Variants in CCDC180 observed in about 807,000 individuals in gnomAD.
CCDC180 encodes the protein coiled-coil domain-containing protein 180.
CCDC180 carries 154 observed loss-of-function variants against 209.2 expected under a neutral mutation model. The ratio of observed to expected loss-of-function variants is 0.74; its 90% CI spans 0.65 to 0.84. CCDC180 has a LOEUF of 0.84. Among genes scored for constraint, CCDC180 ranks in the 40% least tolerant of loss-of-function variants. The pLI is 0.00. For synonymous variants in CCDC180, 778 were observed against 749.1 expected, an observed-to-expected ratio of 1.04 and a Z score of -0.63; for missense variants, 1,874 against 1,997.3, an observed-to-expected ratio of 0.94 and a Z score of 1.18.
chr9:97,330,259 G>A, intron 17 of CCDC180, 63 bp from the exon 18 acceptor site: 1 of 1,606,484 alleles, frequency 6.2e-7, no homozygotes, highest in East Asian at 2.2e-5. Flanking sequence ...TGGGTTGGGA[G>A]GCCCAATCCA....
intron 18 of CCDC180, among the ~76,000 whole-genome samples, chr9:97,334,546 A>G (rs533799173): frequency 2.6e-5 from 4 of 152,160 alleles, no homozygotes; most frequent in Non-Finnish European, 5.9e-5. Context: ...CAATGCTACT[A>G]TGCTGGCCTT....
chr9:97,327,159 A>G (rs1391221738), intron 15 of CCDC180, among the ~76,000 whole-genome samples: 1 of 151,970 alleles, frequency 6.6e-6, no homozygotes, highest in Non-Finnish European at 1.5e-5. Flanking sequence ...ACAGAGTGAG[A>G]CTCTGTCTCA....
At position 97,338,709 on chromosome 9, in the gene CCDC180, G is replaced by C. The variant is rs565888351; in HGVS notation, c.2275-4631G>C. ...GGTGCAGAGCTGAGTTCAAGTCCTG[G>C]ATATCCTTGTTAACCTTCTGTCTTG... is the stretch of plus-strand genomic sequence containing the variant. On this transcript the variant is annotated intron_variant, in intron 18 of 36. Coordinates refer to ENST00000529487, the MANE Select transcript of CCDC180 (RefSeq NM_020893.6). Among the ~76,000 whole-genome samples the C allele has an allele frequency of 1.9e-3, 286 of 152,268 alleles. 2 individuals are homozygous for C. Among genetic ancestry groups the C allele is most frequent in the Middle Eastern group, 3.4e-3 (1 of 294 alleles).
chr9:97,363,935 G>A (rs549079847), intron 28 of CCDC180, 116 bp from the exon 29 acceptor site: 5 of 903,368 alleles, frequency 5.5e-6, no homozygotes, highest in African/African-American at 3.4e-5. Flanking sequence ...ATGGAAGTCC[G>A]GTTGCCCACG....
intron 11 of CCDC180, among the ~76,000 whole-genome samples, chr9:97,321,337 A>G (rs1833351673): frequency 6.6e-6 from 1 of 152,214 alleles, no homozygotes; most frequent in Non-Finnish European, 1.5e-5. Flanking sequence ...AAGATATGTA[A>G]AAAGTTTTTC....
intron 3 of CCDC180, among the ~76,000 whole-genome samples, chr9:97,310,485 T>G (rs1289301818): frequency 6.6e-6 from 1 of 152,138 alleles, no homozygotes; most frequent in Non-Finnish European, 1.5e-5. Flanking sequence ...AGCATGCCAT[T>G]TCAGTTCGCT....
chr9:97,307,850 G>A (rs760245890), intron 1 of CCDC180, 44 bp downstream of exon 1: 2 of 1,611,684 alleles, frequency 1.2e-6, no homozygotes, highest in East Asian at 4.5e-5. Context: ...CTAAGTCGAC[G>A]TTCCCCAGCC....
rs1826291889 is a variant in CCDC180, at chr9:97,347,417, C to T, written c.2602C>T (p.Leu868=). ...ATKINELDSE[L]ELHLHLHQPR... is the part of the protein sequence containing the mutation. ...CAAAATCAATGAGCTGGATTCAGAA[C>T]TGGAGCTGCATCTGCACCTGCACCA... Residue 868 remains leucine (L), a synonymous_variant, in exon 20 of 37, where the codon CTG becomes TTG. Coordinates refer to ENST00000529487, the MANE Select transcript of CCDC180 (RefSeq NM_020893.6). 5 of 1,536,022 alleles carry T rather than the reference C, an allele frequency of 3.3e-6. No homozygotes were observed. The highest frequency in any genetic ancestry group is 1.4e-5 in the African/African-American group (1 of 73,042).
At chr9:97,376,413 C>A in intron 36 of CCDC180, 1 of 178,472 alleles carries the variant, frequency 5.6e-6, no homozygotes, top group Admixed American at 5.5e-5. Context: ...CTGGAAGGCC[C>A]AGCCTACCAA....
intron 19 of CCDC180, among the ~76,000 whole-genome samples, chr9:97,345,973 T>C (rs1456504885): frequency 6.6e-6 from 1 of 152,212 alleles, no homozygotes; most frequent in African/African-American, 2.4e-5. Flanking sequence ...TCTCCGAAGT[T>C]ATATATTTAA....
intron 35 of CCDC180, 36 bp from the exon 36 acceptor site, chr9:97,375,418 C>T (rs1445975934): frequency 2.0e-5 from 32 of 1,613,272 alleles, no homozygotes; most frequent in Non-Finnish European, 2.6e-5. Context: ...AAGATGAAGA[C>T]AAGCCTGTGA....
chr9:97,365,567 T>C (rs750936557), intron 29 of CCDC180, 106 bp from the exon 30 acceptor site: 13 of 938,844 alleles, frequency 1.4e-5, no homozygotes, highest in Non-Finnish European at 2.3e-5. Context: ...TTTCAAGGAG[T>C]GTCACGGCCA....
At chr9:97,343,941 T>C (rs1224679895) in intron 19 of CCDC180, among the ~76,000 whole-genome samples, 1 of 152,208 alleles carries the variant, frequency 6.6e-6, no homozygotes. Context: ...AATATAAATA[T>C]CTCATGTATG....
At chr9:97,359,505 T>C (rs1826688345) in intron 25 of CCDC180, among the ~76,000 whole-genome samples, 1 of 152,110 alleles carries the variant, frequency 6.6e-6, no homozygotes, top group African/African-American at 2.4e-5. Context: ...TGCACACCTG[T>C]GGGGTGCTGC....
chr9:97,341,235 C>T lies in CCDC180; in HGVS notation c.2275-2105C>T, dbSNP rs569094393. On this transcript the variant is annotated intron_variant, in intron 18 of 36. Coordinates refer to ENST00000529487, the MANE Select transcript of CCDC180 (RefSeq NM_020893.6). The stretch of plus-strand genomic sequence containing the variant: ...GCAGCCAGACATTCAGGGCCACTAC[C>T]GGTCTCTGCACATTGGTGGTAGTGG... 1.2e-4 allele frequency among the ~76,000 whole-genome samples: 18 copies of T among 152,110 alleles called. No homozygotes were observed. The Middle Eastern group carries it at 0.014, about 115-fold the overall frequency.
At chr9:97,321,485 C>T (rs1385493622) in intron 11 of CCDC180, among the ~76,000 whole-genome samples, 1 of 152,206 alleles carries the variant, frequency 6.6e-6, no homozygotes, top group Non-Finnish European at 1.5e-5. Context: ...CACAGCTAGA[C>T]TTAGCCTGGG....
Position 97,351,010 on chromosome 9 carries a change from A to T in CCDC180, c.3002+455A>T, listed in dbSNP as rs186521380. On this transcript the variant is annotated intron_variant, in intron 22 of 36. Coordinates refer to ENST00000529487, the MANE Select transcript of CCDC180 (RefSeq NM_020893.6). ...AAATCATTCCTTTTTAAGGCTGAAT[A>T]ATGTTCCATTGTGTGTATATATCAC... Among the ~76,000 whole-genome samples, 124 of 152,332 alleles carry T rather than the reference A, an allele frequency of 8.1e-4. 1 individual carries two copies. The highest frequency in any genetic ancestry group is 2.9e-3 in the African/African-American group (122 of 41,574).
chr9:97,345,152 C>T (rs1405526744), intron 19 of CCDC180, among the ~76,000 whole-genome samples: 1 of 152,130 alleles, frequency 6.6e-6, no homozygotes, highest in Admixed American at 6.6e-5. Flanking sequence ...TAATGTTGCT[C>T]TGAACATTCT....
chr9:97,370,550 G>C, intron 32 of CCDC180, 91 bp from the exon 33 acceptor site: 3 of 1,455,328 alleles, frequency 2.1e-6, no homozygotes, highest in Non-Finnish European at 2.8e-6. Context: ...GAGGACATGA[G>C]TCTGGCCATA....
Sources: gnomAD v4.1 joint callset for allele counts (sites outside exome capture counted in the v4.1 genomes callset) on GRCh38, gnomAD v4.1.1 for gene constraint, MANE v1.5 for transcripts, NCBI Gene and HGNC (gene_info 2026-07-23, HGNC 2026-07-21) for gene names.